The following DPF3 variants were observed in gnomAD, a reference collection of about 807,000 sequenced individuals.
The protein encoded by DPF3 is double PHD fingers 3, also known as zinc finger protein DPF3.
Under a neutral mutation model 56.8 loss-of-function variants are expected in DPF3, and 18 were observed. The ratio of observed to expected loss-of-function variants is 0.32; its 90% CI spans 0.22 to 0.47. DPF3 has a LOEUF of 0.47. Ranked by LOEUF, DPF3 falls within the 20% of genes least tolerant of loss-of-function variation. The pLI is 1.00. For synonymous variants in DPF3, 188 were observed against 180.2 expected (o/e 1.04, Z -0.35); for missense variants, 403 against 488.8 (o/e 0.82, Z 1.65).
intron 6 of DPF3, 73 bp from the exon 7 acceptor site, chr14:72,693,286 CCAGA>C: frequency 6.6e-7 from 1 of 1,515,902 alleles, no homozygotes; most frequent in African/African-American, 1.4e-5. Context: ...TATCATTCTC[CCAGA>C]CAGTGATCCC....
At chr14:72,774,073 T>C (rs550243894) in intron 1 of DPF3, 30 of 426,378 alleles carry the variant, frequency 7.0e-5, no homozygotes, top group African/African-American at 5.1e-4. Context: ...TCGCCTGAGG[T>C]CAGGAGTTCG....
chr14:72,893,368 GAC>G (rs1886852562), intron 1 of DPF3, among the ~76,000 whole-genome samples: 1 of 152,174 alleles, frequency 6.6e-6, no homozygotes, highest in African/African-American at 2.4e-5. Flanking sequence ...TACACGAGCA[GAC>G]ACACGCTCGA....
chr14:72,687,923 C>T (rs1367112968), intron 7 of DPF3, among the ~76,000 whole-genome samples: 1 of 151,934 alleles, frequency 6.6e-6, no homozygotes, highest in Non-Finnish European at 1.5e-5. Flanking sequence ...TAATGCCACA[C>T]TTGGAATACC....
At chr14:72,857,673 G>A (rs1023026917) in intron 1 of DPF3, among the ~76,000 whole-genome samples, 8 of 152,036 alleles carry the variant, frequency 5.3e-5, no homozygotes, top group African/African-American at 9.7e-5. Flanking sequence ...TGCAACCTCC[G>A]CCTCCTGGGT....
chr14:72,671,447 A>C, intron 8 of DPF3: 1 of 1,419,372 alleles, frequency 7.0e-7, no homozygotes, highest in Non-Finnish European at 9.9e-7. Flanking sequence ...ATATAAAACC[A>C]TTTGCACACC....
At chr14:72,670,236 GGGT>G (rs1886610989) in intron 8 of DPF3, 1 of 985,886 alleles carries the variant, frequency 1.0e-6, no homozygotes, top group African/African-American at 1.7e-5. Context: ...CCTCGGCCTC[GGGT>G]GGTGGAGTCA....
At chr14:72,753,957 T>C (rs1183347436) in intron 2 of DPF3, among the ~76,000 whole-genome samples, 1 of 151,432 alleles carries the variant, frequency 6.6e-6, no homozygotes, top group Non-Finnish European at 1.5e-5. Context: ...CCAGGCCACA[T>C]GACCTGCAGA....
chr14:72,729,961 T>C (rs555674518), intron 4 of DPF3, among the ~76,000 whole-genome samples: 9 of 152,208 alleles, frequency 5.9e-5, no homozygotes, highest in Non-Finnish European at 1.0e-4. Context: ...TCATCTATTA[T>C]AGCAAATGCA....
intron 2 of DPF3, among the ~76,000 whole-genome samples, chr14:72,754,244 G>C (rs1890698379): frequency 6.6e-6 from 1 of 152,190 alleles, no homozygotes; most frequent in Non-Finnish European, 1.5e-5. Context: ...AAGAGGCTGA[G>C]GGGTGAGGAG....
At chr14:72,792,164 C>T (rs1201985871) in intron 1 of DPF3, among the ~76,000 whole-genome samples, 1 of 151,782 alleles carries the variant, frequency 6.6e-6, no homozygotes, top group East Asian at 1.9e-4. Flanking sequence ...CTTGGGCACA[C>T]ACCAGCATTT....
At chr14:72,879,380 A>G (rs1886237105) in intron 1 of DPF3, among the ~76,000 whole-genome samples, 1 of 143,374 alleles carries the variant, frequency 7.0e-6, no homozygotes, top group Non-Finnish European at 1.5e-5. Flanking sequence ...TTCCATCTCC[A>G]AAAAAAAAAA....
intron 1 of DPF3, among the ~76,000 whole-genome samples, chr14:72,847,758 C>T (rs1461052777): frequency 6.6e-6 from 1 of 152,156 alleles, no homozygotes; most frequent in African/African-American, 2.4e-5. Context: ...GTGATCCACC[C>T]GCCTCAGCCT....
intron 1 of DPF3, among the ~76,000 whole-genome samples, chr14:72,849,997 T>C (rs1408941406): frequency 6.6e-6 from 1 of 151,988 alleles, no homozygotes; most frequent in Non-Finnish European, 1.5e-5. Flanking sequence ...CATATGCCTG[T>C]AATCCCAGCT....
intron 1 of DPF3, among the ~76,000 whole-genome samples, chr14:72,862,206 C>CG (rs1885465201): frequency 6.6e-6 from 1 of 151,074 alleles, no homozygotes; most frequent in African/African-American, 2.5e-5. Context: ...AGTTCCCTAA[C>CG]CCCCCCTGCA....
chr14:72,751,356 C>T (rs1020491261), intron 3 of DPF3, among the ~76,000 whole-genome samples: 6 of 152,178 alleles, frequency 3.9e-5, no homozygotes, highest in Admixed American at 6.5e-5. Context: ...TGTAAGTCTT[C>T]GAGACCAGCA....
intron 1 of DPF3, among the ~76,000 whole-genome samples, chr14:72,776,859 TA>T (rs1891761581): frequency 7.8e-6 from 1 of 128,702 alleles, no homozygotes; most frequent in Admixed American, 7.4e-5. Context: ...TCAATCCTCC[TA>T]GGGGCGGGGG....
chr14:72,740,751 G>A (rs1293617101), intron 3 of DPF3, among the ~76,000 whole-genome samples: 7 of 152,234 alleles, frequency 4.6e-5, no homozygotes, highest in Non-Finnish European at 8.8e-5. Flanking sequence ...TAAAAGCAGA[G>A]AGGAGGCCTT....
intron 1 of DPF3, among the ~76,000 whole-genome samples, chr14:72,825,279 C>T (rs73304148): frequency 0.015 from 2,278 of 152,308 alleles, 54 homozygotes; most frequent in African/African-American, 0.052. Context: ...TGACCCCATC[C>T]CCCAGCACCA....
intron 1 of DPF3, among the ~76,000 whole-genome samples, chr14:72,876,645 G>A (rs143689111): frequency 7.8e-4 from 119 of 152,164 alleles, no homozygotes; most frequent in African/African-American, 2.6e-3. Flanking sequence ...CAAAGGAATC[G>A]CTCAAACGCC....
Sources: gnomAD v4.1 joint callset for allele counts (sites outside exome capture counted in the v4.1 genomes callset) on GRCh38, gnomAD v4.1.1 for gene constraint, MANE v1.5 for transcripts, NCBI Gene and HGNC (gene_info 2026-07-23, HGNC 2026-07-21) for gene names.